Variants in SLCO3A1 observed in about 807,000 individuals in gnomAD.
SLCO3A1 encodes the protein PGE1 transporter.
SLCO3A1 carries 27 observed loss-of-function variants against 63.1 expected under a neutral mutation model. The observed-to-expected ratio is 0.43, with a 90% CI of 0.32 to 0.59. SLCO3A1 has a LOEUF of 0.59. Ranked by LOEUF, SLCO3A1 falls within the 20% of genes least tolerant of loss-of-function variation. The probability of loss-of-function intolerance (pLI) is 0.09; values close to 1 mark genes in which losing one functional copy is unlikely to be tolerated. For synonymous variants in SLCO3A1, 473 were observed against 409.9 expected (o/e 1.15, Z -1.86); for missense variants, 773 against 945.8 (o/e 0.82, Z 2.40).
intron 1 of SLCO3A1, among the ~76,000 whole-genome samples, chr15:91,876,747 G>T (rs760966142): frequency 2.6e-5 from 4 of 152,158 alleles, no homozygotes; most frequent in Non-Finnish European, 4.4e-5. Flanking sequence ...CCACTGAGTA[G>T]GCCTGCTTTT....
At chr15:92,103,734 G>A (rs960220963) in intron 3 of SLCO3A1, among the ~76,000 whole-genome samples, 1 of 151,938 alleles carries the variant, frequency 6.6e-6, no homozygotes, top group Admixed American at 6.6e-5. Context: ...CTGGCCTAGG[G>A]TCACACAGAG....
At chr15:91,998,519 A>G (rs2046217703) in intron 2 of SLCO3A1, among the ~76,000 whole-genome samples, 1 of 152,164 alleles carries the variant, frequency 6.6e-6, no homozygotes, top group Non-Finnish European at 1.5e-5. Context: ...TGTACAAGCA[A>G]CCAACAAATA....
At chr15:91,889,251 C>T (rs1234466710) in intron 1 of SLCO3A1, 1 of 964,358 alleles carries the variant, frequency 1.0e-6, no homozygotes, top group Admixed American at 2.3e-5. Flanking sequence ...GGTGGTCCTG[C>T]TGGACCTGGA....
At chr15:92,006,483 T>C (rs2046314131) in intron 2 of SLCO3A1, among the ~76,000 whole-genome samples, 1 of 152,188 alleles carries the variant, frequency 6.6e-6, no homozygotes, top group Non-Finnish European at 1.5e-5. Context: ...TCAATCTCTG[T>C]GAGTCTTTTT....
rs1218349367 is a variant in SLCO3A1 at position 91,948,564 on chromosome 15, C to G, written c.646+32106C>G. 6.6e-6 allele frequency among the ~76,000 whole-genome samples: 1 copy of G among 152,210 alleles called. No individual in the cohort carries two copies. Among genetic ancestry groups the G allele is most frequent in the African/African-American group, 2.4e-5 (1 of 41,450 alleles). On this transcript the variant is annotated intron_variant, in intron 2 of 9. Transcript: ENST00000318445. This position sits in a 1 kb window ranked among gnomAD's most constrained non-coding sequence, Gnocchi z 4.8. ...AGGAGAGGGCCGAATGTGCACGAGA[C>G]TCTGCAGGAAGGCTGAAAAACTTTC...
chr15:92,166,717 T>C (rs2048495629), downstream of SLCO3A1, among the ~76,000 whole-genome samples: 1 of 152,248 alleles, frequency 6.6e-6, no homozygotes, highest in African/African-American at 2.4e-5. Flanking sequence ...TGGATATTCT[T>C]TCACACCTTC....
chr15:91,893,454 C>T (rs1434617223), intron 1 of SLCO3A1, among the ~76,000 whole-genome samples: 2 of 152,184 alleles, frequency 1.3e-5, no homozygotes, highest in Non-Finnish European at 2.9e-5. Flanking sequence ...GGCCTGCTTT[C>T]TGGTTGATAG....
chr15:91,952,060 G>T (rs72754019), intron 2 of SLCO3A1, among the ~76,000 whole-genome samples: 8,732 of 152,140 alleles, frequency 0.057, 354 homozygotes, highest in Non-Finnish European at 0.086. Context: ...TGTCTCTGAT[G>T]GTAGGCATGC....
intron 2 of SLCO3A1, among the ~76,000 whole-genome samples, chr15:91,939,826 C>T (rs1347290555): frequency 2.6e-5 from 4 of 152,238 alleles, no homozygotes; most frequent in South Asian, 4.1e-4. Flanking sequence ...GGTGCTGCTT[C>T]GAGCCATGCC....
chr15:92,118,729 A>G (rs2047825648), intron 4 of SLCO3A1, among the ~76,000 whole-genome samples: 1 of 152,148 alleles, frequency 6.6e-6, no homozygotes, highest in Non-Finnish European at 1.5e-5. Context: ...GGCACTGATC[A>G]GTTTTTCCTA....
chr15:91,986,965 G>T (rs1478588880), intron 2 of SLCO3A1, among the ~76,000 whole-genome samples: 2 of 152,158 alleles, frequency 1.3e-5, no homozygotes, highest in Non-Finnish European at 2.9e-5. Flanking sequence ...AAGGTTGGTG[G>T]TGGCCATGGT....
intron 2 of SLCO3A1, among the ~76,000 whole-genome samples, chr15:92,028,895 A>C (rs897614485): frequency 1.9e-5 from 1 of 51,326 alleles, no homozygotes; most frequent in Non-Finnish European, 3.8e-5. Flanking sequence ...TTCTTGTTTC[A>C]GCTGCAGGCA....
At position 92,150,981 on chromosome 15, in the gene SLCO3A1, T is replaced by G; in HGVS notation, c.1720T>G (p.Leu574Val). 1 of 1,613,434 alleles carries G rather than the reference T, an allele frequency of 6.2e-7. No individual in the cohort carries two copies. Among genetic ancestry groups the G allele is most frequent in the Non-Finnish European group, 8.5e-7 (1 of 1,179,674 alleles). Reference sequence around the variant, plus strand: ...CAGCCCTGAACTCAAGTCTTACGCTTTGGGAGTTCTTTTTCTCCTCCTTCG... The same window carrying G: ...CAGCCCTGAACTCAAGTCTTACGCTGTGGGAGTTCTTTTTCTCCTCCTTCG... Reference protein sequence around the residue: ...TVSPELKSYALGVLFLLLRLL... With the variant: ...TVSPELKSYAVGVLFLLLRLL... Residue 574 changes from leucine to valine, a missense_variant, in exon 9 of 10, where the codon TTG (leucine) becomes GTG (valine). Physicochemically the swap from Leu to Val is conservative, Grantham distance 32. Coordinates refer to ENST00000318445, the MANE Select transcript of SLCO3A1 (RefSeq NM_013272.4).
At chr15:91,946,342 T>G (rs370604197) in intron 2 of SLCO3A1, among the ~76,000 whole-genome samples, 3 of 152,222 alleles carry the variant, frequency 2.0e-5, no homozygotes, top group African/African-American at 7.2e-5. Context: ...CTGGGCAGCC[T>G]GTGAATCTGA....
chr15:91,963,590 G>T (rs899481925), intron 2 of SLCO3A1, among the ~76,000 whole-genome samples: 19 of 152,134 alleles, frequency 1.2e-4, no homozygotes, highest in Non-Finnish European at 1.9e-4. Context: ...CCTTCTGGTG[G>T]GTTCTTGGTT....
At chr15:92,043,137 GT>G (rs2151489152) in intron 2 of SLCO3A1, among the ~76,000 whole-genome samples, 1 of 129,632 alleles carries the variant, frequency 7.7e-6, no homozygotes, top group South Asian at 2.3e-4. Context: ...ACTACTAACT[GT>G]GTTTGCTTTC....
At chr15:92,080,268 C>A (rs1432766063) in intron 2 of SLCO3A1, among the ~76,000 whole-genome samples, 1 of 152,186 alleles carries the variant, frequency 6.6e-6, no homozygotes, top group Non-Finnish European at 1.5e-5. Flanking sequence ...CAGTTCAACA[C>A]ACACGGAGTC....
rs563923042 is a variant in SLCO3A1 at position 91,964,932 on chromosome 15, A to G, written c.646+48474A>G. On this transcript the variant is annotated intron_variant, in intron 2 of 9. Transcript: ENST00000318445. The stretch of plus-strand genomic sequence containing the variant: ...ACCTTGTCCCGTACTTTGTCTTTCC[A>G]CGAGTTTTTGAGTGTGGCCAGCAGT... Among the ~76,000 whole-genome samples the G allele has an allele frequency of 7.2e-5, 11 of 152,038 alleles. No homozygotes were observed. In the East Asian group the frequency reaches 2.1e-3, roughly 29 times the overall value.
Position 91,916,233 on chromosome 15 carries a change from C to G in SLCO3A1, c.421C>G (p.Arg141Gly). The G allele has an allele frequency of 1.3e-6, 2 of 1,570,662 alleles. No homozygotes were observed. The highest frequency in any genetic ancestry group is 1.7e-6 in the Non-Finnish European group (2 of 1,159,470). The change falls in exon 2 of 10, where the codon CGC becomes GGC. Residue 141 changes from arginine (R) to glycine (G), a missense_variant. Physicochemically the swap from Arg to Gly is moderately radical, Grantham distance 125. Around this residue, in one of 3 missense-constraint regions of SLCO3A1, gnomAD observed 565 missense variants for 749.8 expected, o/e 0.75. Coordinates refer to ENST00000318445, the MANE Select transcript of SLCO3A1 (RefSeq NM_013272.4). The surrounding 1 kb of genome is among the most constrained non-coding windows in gnomAD (Gnocchi z 6.2). ...GTACAAGTACGAGGCGGGCGAGATC[C>G]GCTGGGGCGCCGAGGGCCGCGACGT... Reference protein sequence around the residue: ...HQYKYEAGEIRWGAEGRDVCA... With the variant: ...HQYKYEAGEIGWGAEGRDVCA...
Sources: gnomAD v4.1 joint callset for allele counts (sites outside exome capture counted in the v4.1 genomes callset) on GRCh38, gnomAD v4.1.1 for gene constraint, gnomAD v4.1.1 regional missense constraint, Gnocchi (gnomAD v3.1) non-coding constraint, MANE v1.5 for transcripts, NCBI Gene and HGNC (gene_info 2026-07-23, HGNC 2026-07-21) for gene names.